The following AGTPBP1 variants were observed in gnomAD, a reference collection of about 807,000 sequenced individuals.
The protein encoded by AGTPBP1 is ATP/GTP binding carboxypeptidase 1, also known as cytosolic carboxypeptidase 1.
A neutral mutation model predicts 143.9 loss-of-function variants in AGTPBP1; 70 were observed. The ratio of observed to expected loss-of-function variants is 0.49; its 90% CI spans 0.40 to 0.59. AGTPBP1 has a LOEUF of 0.59. AGTPBP1 is among the 20% of genes least tolerant of loss of function. The pLI is 0.00. For synonymous variants in AGTPBP1, 463 were observed against 500.2 expected, an observed-to-expected ratio of 0.93 and a Z score of 0.99; for missense variants, 1,229 against 1,464.5, an observed-to-expected ratio of 0.84 and a Z score of 2.62.
chr9:85,606,460 G>A (rs973384338), intron 17 of AGTPBP1, among the ~76,000 whole-genome samples: 22 of 150,900 alleles, frequency 1.5e-4, no homozygotes, highest in African/African-American at 4.6e-4. Flanking sequence ...TGGTGGGAAC[G>A]TAAATTAGTG....
chr9:85,673,740 C>A (rs541532162), intron 6 of AGTPBP1, among the ~76,000 whole-genome samples: 1 of 152,142 alleles, frequency 6.6e-6, no homozygotes, highest in South Asian at 2.1e-4. Context: ...ATATTAAATG[C>A]CCAGACTTCC....
intron 25 of AGTPBP1, among the ~76,000 whole-genome samples, chr9:85,566,958 G>GAA (rs1827146163): frequency 6.6e-6 from 1 of 152,236 alleles, no homozygotes; most frequent in South Asian, 2.1e-4. Context: ...GGGAATCACA[G>GAA]CCAGAACTTT....
intron 12 of AGTPBP1, among the ~76,000 whole-genome samples, chr9:85,644,367 C>T (rs1832684144): frequency 6.7e-6 from 1 of 149,934 alleles, no homozygotes; most frequent in Non-Finnish European, 1.5e-5. Flanking sequence ...TTTCTCTAAA[C>T]ATACTAGTTC....
chr9:85,596,280 G>A (rs953840819), intron 18 of AGTPBP1, 82 bp downstream of exon 18: 2 of 940,964 alleles, frequency 2.1e-6, no homozygotes, highest in African/African-American at 1.7e-5. Flanking sequence ...TAACTCTACT[G>A]TTTCCTTTTA....
rs534635309 is a variant in AGTPBP1 at position 85,659,924 on chromosome 9, G to A, written c.700+1012C>T. On this transcript the variant is annotated intron_variant, in intron 9 of 25. Transcript: ENST00000357081. ...TTACCACATCATATATGAAAATAAA[G>A]CTACAAAGCTAATCTAACTGAGTGT... Among the ~76,000 whole-genome samples, 312 of 152,024 alleles carry A rather than the reference G, an allele frequency of 2.1e-3. 3 individuals carry two copies. Among genetic ancestry groups the A allele is most frequent in the African/African-American group, 7.0e-3 (289 of 41,482 alleles).
chr9:85,607,782 G>A (rs1165934303), intron 17 of AGTPBP1, among the ~76,000 whole-genome samples: 2 of 152,094 alleles, frequency 1.3e-5, no homozygotes, highest in African/African-American at 2.4e-5. Context: ...AAATGTTGGA[G>A]TTGATGTTAA....
At chr9:85,672,195 C>T (rs1834526280) in intron 7 of AGTPBP1, among the ~76,000 whole-genome samples, 4 of 152,120 alleles carry the variant, frequency 2.6e-5, no homozygotes, top group African/African-American at 9.6e-5. Flanking sequence ...CTCAGCCTCC[C>T]AAATAGTCAG....
chr9:85,560,279 T>C (rs948367852), intron 25 of AGTPBP1, among the ~76,000 whole-genome samples: 4 of 152,166 alleles, frequency 2.6e-5, no homozygotes, highest in African/African-American at 9.7e-5. Flanking sequence ...TTAGAGACAC[T>C]GGTTATTTTT....
At chr9:85,755,850 A>G in the AGTPBP1 span, among the ~76,000 whole-genome samples, 1 of 152,220 alleles carries the variant, frequency 6.6e-6, no homozygotes, top group Non-Finnish European at 1.5e-5. Flanking sequence ...AGACTGTTTA[A>G]CATATCTGGG....
chr9:85,626,408 G>T (rs1831298209), intron 14 of AGTPBP1, among the ~76,000 whole-genome samples: 1 of 152,172 alleles, frequency 6.6e-6, no homozygotes, highest in African/African-American at 2.4e-5. Flanking sequence ...TGATAAAACA[G>T]TAATTCTTCA....
the AGTPBP1 span, chr9:85,805,327 C>A: frequency 6.6e-6 from 1 of 152,012 alleles, no homozygotes; most frequent in African/African-American, 2.4e-5. Context: ...CGCTACCCTC[C>A]GCCCGCCTGC....
At chr9:85,670,912 TG>T (rs1834440388) in intron 7 of AGTPBP1, among the ~76,000 whole-genome samples, 2 of 152,106 alleles carry the variant, frequency 1.3e-5, no homozygotes, top group South Asian at 4.1e-4. Flanking sequence ...GTGGTTTAGC[TG>T]TTTTATTTTT....
chr9:85,727,333 A>T (rs1031001737), intron 1 of AGTPBP1, among the ~76,000 whole-genome samples: 1 of 152,214 alleles, frequency 6.6e-6, no homozygotes, highest in African/African-American at 2.4e-5. Flanking sequence ...TCTCAAAAAA[A>T]TAAAAGCAAA....
At chr9:85,592,438 T>A in intron 19 of AGTPBP1, 122 bp downstream of exon 19, 2 of 640,340 alleles carry the variant, frequency 3.1e-6, no homozygotes, top group East Asian at 6.8e-5. Context: ...ATCCTTATGT[T>A]AGAATATTTA....
intron 25 of AGTPBP1, chr9:85,553,755 T>A (rs1826169610): frequency 6.6e-6 from 1 of 152,204 alleles, no homozygotes; most frequent in African/African-American, 2.4e-5. Flanking sequence ...ACCATTATAT[T>A]CTATTAATTT....
chr9:85,742,047 T>C, upstream of AGTPBP1: 13 of 1,180,812 alleles, frequency 1.1e-5, no homozygotes, highest in Non-Finnish European at 1.4e-5. Context: ...GGGCGGGGCG[T>C]GCGAGGCCGC....
At chr9:85,660,460 A>G (rs1403403626) in intron 9 of AGTPBP1, among the ~76,000 whole-genome samples, 1 of 152,164 alleles carries the variant, frequency 6.6e-6, no homozygotes, top group African/African-American at 2.4e-5. Context: ...TTGTAAATGA[A>G]TTAGACTGTA....
the AGTPBP1 span, among the ~76,000 whole-genome samples, chr9:85,788,272 G>C: frequency 1.5e-4 from 22 of 151,326 alleles, no homozygotes; most frequent in African/African-American, 5.3e-4. Flanking sequence ...TCAGATTCTG[G>C]TTTCCAGCTA....
At position 85,693,364 on chromosome 9, in the gene AGTPBP1, G is replaced by C. The variant is rs536195116; in HGVS notation, c.33-551C>G. Among the ~76,000 whole-genome samples the C allele has an allele frequency of 6.0e-4, 91 of 152,312 alleles. 1 individual carries two copies. In the Middle Eastern group the frequency reaches 0.017, roughly 28 times the overall value. On this transcript the variant is annotated intron_variant, in intron 2 of 25. Coordinates refer to ENST00000357081, the MANE Select transcript of AGTPBP1 (RefSeq NM_001330701.2). ...ACCTGTAAACCCAGCACTTTGGGAG[G>C]CCAAGACTGGTGGATCACTTGAGGT...
Sources: allele counts gnomAD v4.1 joint callset (sites outside exome capture counted in the v4.1 genomes callset), GRCh38; gene constraint gnomAD v4.1.1; transcripts MANE v1.5; gene names NCBI Gene and HGNC (gene_info 2026-07-23, HGNC 2026-07-21).